The following NWD2 variants were observed in gnomAD, a reference collection of about 807,000 sequenced individuals.
NWD2 encodes the protein NACHT and WD repeat domain containing 2, also known as NACHT and WD repeat domain-containing protein 2.
NWD2 carries 37 observed loss-of-function variants against 132.7 expected under a neutral mutation model. The observed-to-expected ratio is 0.28, with a 90% confidence interval of 0.21 to 0.37. The LOEUF is 0.37. Ranked by LOEUF, NWD2 falls within the 10% of genes least tolerant of loss-of-function variation. NWD2 has a pLI of 1.00. For synonymous variants in NWD2, 705 were observed against 803.0 expected (o/e 0.88, Z 2.06); for missense variants, 1,592 against 2,122.4 (o/e 0.75, Z 4.91).
chr4:37,371,714 G>A (rs1341398725), intron 3 of NWD2, among the ~76,000 whole-genome samples: 1 of 152,144 alleles, frequency 6.6e-6, no homozygotes, highest in African/African-American at 2.4e-5. Flanking sequence ...CAGACCAATG[G>A]ACTGAACTTA....
Position 37,445,324 on chromosome 4 carries a change from T to C in NWD2, c.3336T>C (p.Tyr1112=). 1 of 1,552,176 alleles carries C rather than the reference T, an allele frequency of 6.4e-7. No homozygotes were observed. Among genetic ancestry groups the C allele is most frequent in the South Asian group, 1.2e-5 (1 of 84,062 alleles). Residue 1112 remains tyrosine, a synonymous_variant, in exon 7 of 7, where the codon TAT becomes TAC. Transcript: ENST00000309447. The surrounding 1 kb of genome is among the most constrained non-coding windows in gnomAD (Gnocchi z 4.7). ...TCVQCSLDGL[Y]AFCGQYLNTT... The stretch of plus-strand genomic sequence containing the variant: ...TCCAGTGCTCCCTGGATGGTCTGTA[T>C]GCTTTCTGTGGCCAATACCTGAACA...
At chr4:37,274,656 G>A (rs2109265065) in intron 1 of NWD2, among the ~76,000 whole-genome samples, 1 of 152,028 alleles carries the variant, frequency 6.6e-6, no homozygotes, top group Admixed American at 6.5e-5. Context: ...CAATATCCCT[G>A]ATGAACATCG....
At chr4:37,345,091 T>C (rs1420091866) in intron 2 of NWD2, among the ~76,000 whole-genome samples, 6 of 152,228 alleles carry the variant, frequency 3.9e-5, no homozygotes, top group Non-Finnish European at 7.4e-5. Flanking sequence ...ATTGTGTGGA[T>C]TATGTCTTAT....
At chr4:37,272,500 G>A (rs1054145245) in intron 1 of NWD2, among the ~76,000 whole-genome samples, 2 of 151,590 alleles carry the variant, frequency 1.3e-5, no homozygotes, top group Non-Finnish European at 3.0e-5. Flanking sequence ...CAACAGTTCT[G>A]TTATATTCAT....
chr4:37,309,155 C>A (rs1718776406), intron 1 of NWD2, among the ~76,000 whole-genome samples: 1 of 152,182 alleles, frequency 6.6e-6, no homozygotes, highest in South Asian at 2.1e-4. Flanking sequence ...GAAGGCCCTG[C>A]AGGCAATGCA....
chr4:37,311,119 C>T (rs1377305304), intron 1 of NWD2, among the ~76,000 whole-genome samples: 4 of 152,026 alleles, frequency 2.6e-5, no homozygotes, highest in East Asian at 1.9e-4. Flanking sequence ...TTTATAGCAG[C>T]GTGATTTATA....
At chr4:37,351,025 G>A (rs971775169) in intron 2 of NWD2, among the ~76,000 whole-genome samples, 4 of 152,142 alleles carry the variant, frequency 2.6e-5, no homozygotes, top group African/African-American at 4.8e-5. Context: ...TCCCAGGGAT[G>A]AAGCTGACTT....
At chr4:37,298,214 C>T (rs1196862760) in intron 1 of NWD2, among the ~76,000 whole-genome samples, 5 of 152,080 alleles carry the variant, frequency 3.3e-5, no homozygotes, top group South Asian at 2.1e-4. Flanking sequence ...TGGAGCAAAG[C>T]TGAGCCCATA....
At chr4:37,410,765 T>C (rs1287583126) in intron 3 of NWD2, among the ~76,000 whole-genome samples, 1 of 152,146 alleles carries the variant, frequency 6.6e-6, no homozygotes, top group African/African-American at 2.4e-5. Flanking sequence ...CCTCAGCCAA[T>C]GCAAAAGAAC....
At chr4:37,349,237 A>G (rs754184309) in intron 2 of NWD2, among the ~76,000 whole-genome samples, 4 of 152,196 alleles carry the variant, frequency 2.6e-5, no homozygotes, top group Non-Finnish European at 5.9e-5. Context: ...TTCTGTTTCT[A>G]GATCCTTGAG....
intron 3 of NWD2, among the ~76,000 whole-genome samples, chr4:37,426,902 G>A (rs554587911): frequency 2.6e-5 from 4 of 152,214 alleles, no homozygotes; most frequent in Admixed American, 2.6e-4. Flanking sequence ...AGAGCAGAAA[G>A]AAGTTGAAGA....
intron 3 of NWD2, among the ~76,000 whole-genome samples, chr4:37,385,883 G>A (rs1720557324): frequency 6.6e-6 from 1 of 152,160 alleles, no homozygotes; most frequent in East Asian, 1.9e-4. Context: ...ATATTCATTA[G>A]CTCAGATGTA....
intron 2 of NWD2, among the ~76,000 whole-genome samples, chr4:37,354,878 T>C (rs1719840069): frequency 6.6e-6 from 1 of 152,234 alleles, no homozygotes; most frequent in Admixed American, 6.5e-5. Flanking sequence ...TTCTTTACTT[T>C]TTCATTTTCT....
intron 2 of NWD2, among the ~76,000 whole-genome samples, chr4:37,335,615 G>T (rs547398577): frequency 6.6e-6 from 1 of 151,872 alleles, no homozygotes; most frequent in East Asian, 1.9e-4. Context: ...CAGCATTACC[G>T]CCTGAGCTCC....
chr4:37,311,478 GTTGT>G (rs1173952774), intron 1 of NWD2, among the ~76,000 whole-genome samples: 1 of 150,828 alleles, frequency 6.6e-6, no homozygotes, highest in East Asian at 1.9e-4. Flanking sequence ...TTTTGATGGG[GTTGT>G]TTGTTTTTTT....
chr4:37,317,246 T>A (rs957336760), intron 1 of NWD2, among the ~76,000 whole-genome samples: 5 of 152,206 alleles, frequency 3.3e-5, no homozygotes, highest in Non-Finnish European at 5.9e-5. Context: ...AGCTTCAAAG[T>A]CAGCCAGGAA....
At chr4:37,413,273 A>G (rs1009421453) in intron 3 of NWD2, among the ~76,000 whole-genome samples, 7 of 152,244 alleles carry the variant, frequency 4.6e-5, no homozygotes, top group African/African-American at 1.7e-4. Flanking sequence ...ACAAATGTAC[A>G]AGAAAAAAGC....
Position 37,244,867 on chromosome 4 carries a change from C to A in NWD2, c.-201C>A. On this transcript the variant is annotated 5_prime_UTR_variant, in exon 1 of 7. Coordinates refer to ENST00000309447, the MANE Select transcript of NWD2 (RefSeq NM_001144990.2). This position sits in a 1 kb window ranked among gnomAD's most constrained non-coding sequence, Gnocchi z 5.5. ...GGCAGGAGACCGCCGCGACAGGAGCCCGAGGGTCCGTATGGCTTCTCCTCG... is the reference window on the plus strand; with the variant it reads ...GGCAGGAGACCGCCGCGACAGGAGCACGAGGGTCCGTATGGCTTCTCCTCG... The A allele has an allele frequency of 1.6e-6, 1 of 612,580 alleles. No homozygotes were observed. Among genetic ancestry groups the A allele is most frequent in the East Asian group, 3.3e-5 (1 of 30,116 alleles). 37.9% of individuals were successfully genotyped at this position (612,580 alleles called of 1,614,324 possible). A position where few individuals can be genotyped will look rare whatever the true frequency, so the allele number is the denominator to read the frequency against.
chr4:37,339,267 A>G (rs1479872749), intron 2 of NWD2, among the ~76,000 whole-genome samples: 2 of 152,206 alleles, frequency 1.3e-5, no homozygotes, highest in African/African-American at 4.8e-5. Flanking sequence ...GCATTATGTC[A>G]TGACTGACTT....
Sources: gnomAD v4.1 joint callset for allele counts (sites outside exome capture counted in the v4.1 genomes callset) on GRCh38, gnomAD v4.1.1 for gene constraint, Gnocchi (gnomAD v3.1) non-coding constraint, MANE v1.5 for transcripts, NCBI Gene and HGNC (gene_info 2026-07-23, HGNC 2026-07-21) for gene names.